WDPCP: variants seen among roughly 807,000 people sequenced by gnomAD.
WDPCP encodes the protein WD repeat containing planar cell polarity effector, also known as WD repeat-containing and planar cell polarity effector protein fritz homolog.
In WDPCP, 71 loss-of-function variants were observed where a neutral mutation model predicts 93.1. That is an observed-to-expected ratio of 0.76 (90% confidence interval 0.63 to 0.93). The LOEUF (loss-of-function observed/expected upper bound fraction) is 0.93, where lower values mean the gene tolerates loss of function less well. Among genes scored for constraint, WDPCP ranks in the 40% least tolerant of loss-of-function variants. The pLI is 0.00. For missense variants in WDPCP, 844 were observed against 887.4 expected (o/e 0.95, Z 0.62); for synonymous variants, 315 against 315.0 (o/e 1.00, Z 0.00).
chr2:63,277,894 A>G (rs568942824), intron 13 of WDPCP, among the ~76,000 whole-genome samples: 1 of 152,352 alleles, frequency 6.6e-6, no homozygotes, highest in East Asian at 1.9e-4. Flanking sequence ...ACTCCAGAGC[A>G]AATGAACTTA....
At chr2:63,722,758 C>T (rs954348266) in intron 2 of WDPCP, among the ~76,000 whole-genome samples, 12 of 151,454 alleles carry the variant, frequency 7.9e-5, no homozygotes, top group Non-Finnish European at 1.3e-4. Context: ...CCCCTCTGCC[C>T]GGCCAGCCGC....
chr2:63,730,436 T>C (rs2103821003), intron 2 of WDPCP, among the ~76,000 whole-genome samples: 1 of 152,318 alleles, frequency 6.6e-6, no homozygotes, highest in Non-Finnish European at 1.5e-5. Context: ...AATTTCTTAA[T>C]GACTGAAGTT....
intron 4 of WDPCP, 87 bp from the exon 5 acceptor site, chr2:63,485,074 T>TA (rs1362782713): frequency 1.5e-6 from 2 of 1,369,222 alleles, no homozygotes; most frequent in Middle Eastern, 1.8e-4. Flanking sequence ...GAGATTAAAA[T>TA]AAAACACCTC....
rs1170432187 is a variant in WDPCP at position 63,437,540 on chromosome 2, T to G, written c.514A>C (p.Ser172Arg). Reference protein sequence around the residue: ...DTISDALLTDSFIILSFLAQN... With the variant: ...DTISDALLTDRFIILSFLAQN... ...GCCAAAAATGATAAGATGATAAAAC[T>G]GTCTGTGAGAAGAGCTAAAAAACAT... is the stretch of plus-strand genomic sequence containing the variant. Residue 172 changes from serine to arginine, a missense_variant, in exon 8 of 18, where the codon AGT becomes CGT. By Grantham distance (110) the Ser-to-Arg change is moderately radical (BLOSUM62 -1). Coordinates refer to ENST00000272321, the MANE Select transcript of WDPCP (RefSeq NM_015910.7). 11 of 1,590,536 alleles carry G rather than the reference T, an allele frequency of 6.9e-6. No homozygotes were observed. Among genetic ancestry groups the G allele is most frequent in the Non-Finnish European group, 9.4e-6 (11 of 1,168,838 alleles).
rs1669878657 is a variant in WDPCP at position 63,126,024 on chromosome 2, T to A, written c.2191-3968A>T. Among the ~76,000 whole-genome samples the A allele has an allele frequency of 2.0e-5, 3 of 151,056 alleles. No homozygotes were observed. The South Asian group carries it at 6.3e-4, about 32-fold the overall frequency. On this transcript the variant is annotated intron_variant, in intron 17 of 17. Coordinates refer to ENST00000272321, the MANE Select transcript of WDPCP (RefSeq NM_015910.7). ...ATCAAGGCTCAATGCAGCCTTGACC[T>A]CCGAGGCTCAGGTGATTTTCCCACC... is the stretch of plus-strand genomic sequence containing the variant.
intron 2 of WDPCP, among the ~76,000 whole-genome samples, chr2:63,732,909 T>C (rs1162029743): frequency 6.6e-6 from 1 of 152,048 alleles, no homozygotes; most frequent in Non-Finnish European, 1.5e-5. Flanking sequence ...GAACTACAGA[T>C]ATGTAAAAAG....
Position 63,733,224 on chromosome 2 carries a change from G to T in WDPCP, n.308+80398C>A, listed in dbSNP as rs910062998. On this transcript the variant is annotated intron_variant and non_coding_transcript_variant, in intron 2 of 4. Transcript: ENST00000467687. ...TTTTTTTTTTTTAAGACGGAGTCTC[G>T]CTCTGTCGCCCAGGCCGGACTGCGG... Among the ~76,000 whole-genome samples, 2 of 113,830 alleles carry T rather than the reference G, an allele frequency of 1.8e-5. 1 individual carries two copies. Among genetic ancestry groups the T allele is most frequent in the Non-Finnish European group, 3.3e-5 (2 of 59,938 alleles). The allele number at this position is 113,830 out of a possible 152,430, so 74.7% of individuals were successfully genotyped here. A position where few individuals can be genotyped will look rare whatever the true frequency, so the allele number is the denominator to read the frequency against.
intron 3 of WDPCP, among the ~76,000 whole-genome samples, chr2:63,640,952 A>G (rs1215074633): frequency 6.6e-6 from 1 of 152,084 alleles, no homozygotes; most frequent in African/African-American, 2.4e-5. Flanking sequence ...AACCATCCCC[A>G]TCTTCCTCCT....
At chr2:63,777,739 G>A (rs563775845) in intron 2 of WDPCP, among the ~76,000 whole-genome samples, 1 of 152,158 alleles carries the variant, frequency 6.6e-6, no homozygotes, top group Non-Finnish European at 1.5e-5. Context: ...ACAAAAGGCA[G>A]ATCAGTGGTT....
intron 12 of WDPCP, among the ~76,000 whole-genome samples, chr2:63,374,246 C>A (rs1012490055): frequency 2.6e-5 from 4 of 152,044 alleles, no homozygotes; most frequent in African/African-American, 9.7e-5. Flanking sequence ...AAACCAAGCA[C>A]CTATCTTACT....
intron 1 of WDPCP, among the ~76,000 whole-genome samples, chr2:63,535,741 C>G (rs1390380097): frequency 3.9e-5 from 6 of 152,126 alleles, no homozygotes; most frequent in Non-Finnish European, 5.9e-5. Flanking sequence ...AAATGTTAGA[C>G]CTAAAACCAT....
chr2:63,829,852 C>G (rs1671168096), upstream of WDPCP, among the ~76,000 whole-genome samples: 1 of 151,978 alleles, frequency 6.6e-6, no homozygotes, highest in Non-Finnish European at 1.5e-5. Context: ...ACATCTTATT[C>G]ACTGCAGAAT....
intron 12 of WDPCP, among the ~76,000 whole-genome samples, chr2:63,374,024 T>C (rs2104810002): frequency 6.6e-6 from 1 of 151,668 alleles, no homozygotes; most frequent in Non-Finnish European, 1.5e-5. Flanking sequence ...ATATGATCAA[T>C]TTTTGTTTAG....
intron 14 of WDPCP, among the ~76,000 whole-genome samples, chr2:63,179,028 C>A (rs1674029115): frequency 6.6e-6 from 1 of 151,936 alleles, no homozygotes; most frequent in South Asian, 2.1e-4. Flanking sequence ...TGTCAAAACC[C>A]CATTTCTACA....
At chr2:63,474,345 T>G (rs1321629316) in intron 6 of WDPCP, among the ~76,000 whole-genome samples, 1 of 152,064 alleles carries the variant, frequency 6.6e-6, no homozygotes, top group East Asian at 1.9e-4. Flanking sequence ...ACATAAAAAG[T>G]TCTGCACTAA....
At chr2:63,439,682 G>T in intron 7 of WDPCP, 75 bp downstream of exon 7, 1 of 1,305,416 alleles carries the variant, frequency 7.7e-7, no homozygotes, top group Non-Finnish European at 1.1e-6. Flanking sequence ...GTAATAATTA[G>T]TCTACCTGTT....
intron 14 of WDPCP, among the ~76,000 whole-genome samples, chr2:63,212,284 C>T (rs957189982): frequency 6.6e-6 from 1 of 152,198 alleles, no homozygotes; most frequent in Non-Finnish European, 1.5e-5. Context: ...AGAAACTCTA[C>T]AAGCCAGAAG....
intron 2 of WDPCP, among the ~76,000 whole-genome samples, chr2:63,759,515 G>A (rs1670021681): frequency 6.6e-6 from 1 of 152,192 alleles, no homozygotes; most frequent in African/African-American, 2.4e-5. Context: ...AACATGTATT[G>A]TTACAGGAAC....
At chr2:63,400,411 A>G (rs1694057475) in intron 10 of WDPCP, among the ~76,000 whole-genome samples, 1 of 152,212 alleles carries the variant, frequency 6.6e-6, no homozygotes, top group African/African-American at 2.4e-5. Flanking sequence ...AGCAATTGCA[A>G]CAAAAGAAAC....
Sources: allele counts gnomAD v4.1 joint callset (sites outside exome capture counted in the v4.1 genomes callset), GRCh38; gene constraint gnomAD v4.1.1; transcripts MANE v1.5; gene names NCBI Gene and HGNC (gene_info 2026-07-23, HGNC 2026-07-21).